Variants in PDCD6IP observed in about 807,000 individuals in gnomAD.
PDCD6IP encodes programmed cell death 6-interacting protein.
In PDCD6IP, 43 loss-of-function variants were observed where a neutral mutation model predicts 103.7. The observed-to-expected ratio is 0.41, with a 90% CI of 0.32 to 0.53. The LOEUF is 0.53. Among genes scored for constraint, PDCD6IP ranks in the 20% least tolerant of loss-of-function variants. PDCD6IP has a pLI of 0.16. For missense variants in PDCD6IP, 871 were observed against 1,036.7 expected, an observed-to-expected ratio of 0.84 and a Z score of 2.20; for synonymous variants, 354 against 378.7, an observed-to-expected ratio of 0.93 and a Z score of 0.76.
chr3:33,863,928 A>T (rs2125454102), intron 15 of PDCD6IP, 78 bp from the exon 16 acceptor site: 1 of 909,036 alleles, frequency 1.1e-6, no homozygotes, highest in East Asian at 2.4e-5. Flanking sequence ...TTCATGTATG[A>T]AGAAAAGAAA....
chr3:33,838,234 T>C lies in PDCD6IP; in HGVS notation c.1088T>C (p.Val363Ala), dbSNP rs749153356. ...TTTGAGAAGATGGTTCCCGTGTCAG[T>C]ACAGCAGTCTTTGGCTGCCTATAAT... ...DLFEKMVPVS[V>A]QQSLAAYNQR... is the part of the protein sequence containing the mutation. Residue 363 changes from valine to alanine, a missense_variant, in exon 9 of 18, where the codon GTA (valine) becomes GCA (alanine). Around this residue, in one of 5 missense-constraint regions of PDCD6IP, gnomAD observed 266 missense variants for 390.5 expected, o/e 0.68. Transcript: ENST00000307296. The C allele has an allele frequency of 3.1e-6, 5 of 1,613,600 alleles. No homozygotes were observed. The Admixed American group carries it at 8.3e-5, about 27-fold the overall frequency.
intron 12 of PDCD6IP, among the ~76,000 whole-genome samples, chr3:33,849,529 A>AC (rs947198093): frequency 7.9e-5 from 12 of 151,970 alleles, no homozygotes; most frequent in Non-Finnish European, 1.5e-4. Context: ...CCCAAAACAA[A>AC]AGTATTTGTT....
At chr3:33,835,709 G>C (rs1697331578) in intron 7 of PDCD6IP, among the ~76,000 whole-genome samples, 1 of 151,672 alleles carries the variant, frequency 6.6e-6, no homozygotes, top group Non-Finnish European at 1.5e-5. Context: ...CACAGAGTGA[G>C]ACTCTGTCTA....
At chr3:33,855,281 A>C in intron 15 of PDCD6IP, 21 bp downstream of exon 15, 1 of 1,382,810 alleles carries the variant, frequency 7.2e-7, no homozygotes, top group Non-Finnish European at 1.0e-6. Context: ...TTTGTGTACC[A>C]AATTGTACTT....
chr3:33,838,833 A>T (rs1345331740), intron 9 of PDCD6IP, among the ~76,000 whole-genome samples: 1 of 151,338 alleles, frequency 6.6e-6, no homozygotes, highest in Non-Finnish European at 1.5e-5. Context: ...ACAGGGTCTT[A>T]TTGTCACCAG....
chr3:33,835,927 C>T, intron 7 of PDCD6IP, 117 bp from the exon 8 acceptor site: 1 of 630,700 alleles, frequency 1.6e-6, no homozygotes, highest in Non-Finnish European at 2.7e-6. Flanking sequence ...GCTGGAAATG[C>T]AAGTCTTCAG....
At chr3:33,805,575 A>G (rs1406964833) in intron 1 of PDCD6IP, among the ~76,000 whole-genome samples, 1 of 151,656 alleles carries the variant, frequency 6.6e-6, no homozygotes, top group African/African-American at 2.4e-5. Context: ...GCATACTACC[A>G]TACCTGGCTA....
intron 12 of PDCD6IP, among the ~76,000 whole-genome samples, chr3:33,848,695 G>A (rs1236823182): frequency 6.6e-6 from 1 of 152,136 alleles, no homozygotes; most frequent in African/African-American, 2.4e-5. Flanking sequence ...GAGCTACCGC[G>A]CCCGGCCCAT....
Position 33,864,063 on chromosome 3 carries a change from G to A in PDCD6IP, c.2178G>A (p.Ala726=), listed in dbSNP as rs28381977. The A allele has an allele frequency of 8.2e-4, 1,321 of 1,613,920 alleles. 2 individuals are homozygous for A. Among genetic ancestry groups the A allele is most frequent in the Admixed American group, 1.2e-3 (72 of 60,002 alleles). Residue 726 remains alanine, a synonymous_variant, in exon 16 of 18, where the codon GCG becomes GCA. Coordinates refer to ENST00000307296, the MANE Select transcript of PDCD6IP (RefSeq NM_013374.6). ...EPSAPSIPTP[A]YQSSPAGGHA... is the part of the protein sequence containing the mutation. ...GTGCTCCTTCAATTCCTACACCTGC[G>A]TATCAGTCCTCACCAGCAGGAGGAC...
At chr3:33,812,534 T>C (rs957599786) in intron 2 of PDCD6IP, among the ~76,000 whole-genome samples, 6 of 152,256 alleles carry the variant, frequency 3.9e-5, no homozygotes, top group African/African-American at 1.4e-4. Context: ...AATGCTGTTT[T>C]GATTAAATGT....
At chr3:33,822,196 G>C (rs1315519466) in intron 4 of PDCD6IP, 114 bp downstream of exon 4, 4 of 1,045,898 alleles carry the variant, frequency 3.8e-6, no homozygotes, top group Non-Finnish European at 5.6e-6. Flanking sequence ...TTTCTAAAAC[G>C]AATGCACTTT....
intron 3 of PDCD6IP, among the ~76,000 whole-genome samples, chr3:33,818,444 C>A (rs762296540): frequency 6.7e-6 from 1 of 150,190 alleles, no homozygotes; most frequent in Non-Finnish European, 1.5e-5. Context: ...TCCTGCCACA[C>A]TGGCCTAATG....
At chr3:33,806,399 A>T (rs899234136) in intron 1 of PDCD6IP, among the ~76,000 whole-genome samples, 9 of 152,216 alleles carry the variant, frequency 5.9e-5, no homozygotes. Context: ...CACATAGCTA[A>T]GAGTTGGGAT....
chr3:33,801,507 A>G (rs1328384690), intron 1 of PDCD6IP, among the ~76,000 whole-genome samples: 2 of 152,208 alleles, frequency 1.3e-5, no homozygotes, highest in Admixed American at 6.5e-5. Context: ...TGAGTACTTA[A>G]AAACTCATTT....
At chr3:33,839,249 C>A (rs1457575139) in intron 9 of PDCD6IP, among the ~76,000 whole-genome samples, 1 of 152,206 alleles carries the variant, frequency 6.6e-6, no homozygotes, top group Non-Finnish European at 1.5e-5. Context: ...TATTGATCTG[C>A]TCCCTGTCTT....
chr3:33,848,310 C>G (rs1697638853), intron 12 of PDCD6IP, among the ~76,000 whole-genome samples: 1 of 152,018 alleles, frequency 6.6e-6, no homozygotes, highest in African/African-American at 2.4e-5. Context: ...TTTCTGCGTT[C>G]GTTGCTGTAG....
intron 6 of PDCD6IP, chr3:33,826,821 C>A: frequency 7.9e-7 from 1 of 1,261,586 alleles, no homozygotes; most frequent in African/African-American, 1.5e-5. Context: ...AGCTAGAACT[C>A]TTTCTGGAAA....
In PDCD6IP at chr3:33,841,996, G is replaced by C. The variant is rs546345810; in HGVS notation, c.1281G>C (p.Gln427His). The C allele has an allele frequency of 6.2e-7, 1 of 1,608,558 alleles. No individual in the cohort carries two copies. The highest frequency in any genetic ancestry group is 8.5e-7 in the Non-Finnish European group (1 of 1,174,966). ...CTAAATCCAGATCTGTGATTGAACA[G>C]GGAGGCATCCAGACTGTTGATCAGT... ...ILTKSRSVIE[Q>H]GGIQTVDQLI... is the part of the protein sequence containing the mutation. Residue 427 changes from glutamine (Q) to histidine (H), a missense_variant, in exon 10 of 18, where the codon CAG becomes CAC. By Grantham distance (24) the Gln-to-His change is conservative (BLOSUM62 0). Around this residue, in one of 5 missense-constraint regions of PDCD6IP, gnomAD observed 266 missense variants for 390.5 expected, o/e 0.68. Coordinates refer to ENST00000307296, the MANE Select transcript of PDCD6IP (RefSeq NM_013374.6).
rs370608139 is a variant in PDCD6IP, at chr3:33,837,233, A to G, written c.1057+967A>G. Among the ~76,000 whole-genome samples the G allele has an allele frequency of 1.6e-4, 24 of 152,314 alleles. 2 individuals carry two copies. The South Asian group carries it at 5.0e-3, about 32-fold the overall frequency. ...CCGTGCCCGGCCTATTTCTTTAAAC[A>G]TGTAAACTTCTGGAGTGGTATTTGT... is the stretch of plus-strand genomic sequence containing the variant. On this transcript the variant is annotated intron_variant, in intron 8 of 17. Coordinates refer to ENST00000307296, the MANE Select transcript of PDCD6IP (RefSeq NM_013374.6).
Sources: gnomAD v4.1 joint callset for allele counts (sites outside exome capture counted in the v4.1 genomes callset) on GRCh38, gnomAD v4.1.1 for gene constraint, gnomAD v4.1.1 regional missense constraint, MANE v1.5 for transcripts, NCBI Gene and HGNC (gene_info 2026-07-23, HGNC 2026-07-21) for gene names.